RPS6KA2: variants seen among roughly 807,000 people sequenced by gnomAD.
The protein encoded by RPS6KA2 is ribosomal protein S6 kinase A2.
In RPS6KA2, 42 loss-of-function variants were observed where a neutral mutation model predicts 91.8. The observed-to-expected ratio is 0.46, with a 90% CI of 0.36 to 0.59. The LOEUF (loss-of-function observed/expected upper bound fraction) is 0.59, where lower values mean the gene tolerates loss of function less well. RPS6KA2 is among the 20% of genes least tolerant of loss of function. RPS6KA2 has a pLI of 0.00. For synonymous variants in RPS6KA2, 414 were observed against 393.6 expected (o/e 1.05, Z -0.61); for missense variants, 798 against 978.5 (o/e 0.82, Z 2.46).
intron 1 of RPS6KA2, among the ~76,000 whole-genome samples, chr6:166,558,404 C>T (rs1754647633): frequency 6.6e-6 from 1 of 152,194 alleles, no homozygotes; most frequent in Non-Finnish European, 1.5e-5. Context: ...TAGGGGGCAA[C>T]TGCCTCACTC....
chr6:166,531,131 A>G, intron 3 of RPS6KA2, 101 bp downstream of exon 3: 1 of 820,222 alleles, frequency 1.2e-6, no homozygotes, highest in South Asian at 1.4e-5. Flanking sequence ...AGACATTTTC[A>G]GAAATCGTGA....
chr6:166,568,643 A>G (rs1168812644), intron 1 of RPS6KA2, among the ~76,000 whole-genome samples: 3 of 147,418 alleles, frequency 2.0e-5, no homozygotes, highest in South Asian at 2.2e-4. Context: ...AAAAAAAAAA[A>G]AAAAAAAAAA....
At chr6:166,609,835 C>T (rs1238469818) in intron 1 of RPS6KA2, among the ~76,000 whole-genome samples, 2 of 152,026 alleles carry the variant, frequency 1.3e-5, no homozygotes, top group African/African-American at 4.8e-5. Context: ...GTTTTAGTGT[C>T]AAGTATATTT....
At chr6:166,777,844 A>G (rs995483139) in intron 2 of RPS6KA2, among the ~76,000 whole-genome samples, 1 of 152,172 alleles carries the variant, frequency 6.6e-6, no homozygotes, top group African/African-American at 2.4e-5. Flanking sequence ...TGTGAGAGAG[A>G]GAGAAAAGAG....
intron 1 of RPS6KA2, among the ~76,000 whole-genome samples, chr6:166,582,930 G>A (rs1322261080): frequency 6.6e-6 from 1 of 152,166 alleles, no homozygotes; most frequent in Non-Finnish European, 1.5e-5. Flanking sequence ...ATAATTTGAA[G>A]ATTTAAGAAA....
intron 2 of RPS6KA2, among the ~76,000 whole-genome samples, chr6:166,633,723 A>G (rs1185551088): frequency 6.6e-6 from 1 of 152,246 alleles, no homozygotes; most frequent in Admixed American, 6.5e-5. Context: ...AGTTATAATT[A>G]TAGGATGGAA....
intron 2 of RPS6KA2, among the ~76,000 whole-genome samples, chr6:166,804,033 G>A (rs1779432304): frequency 6.6e-6 from 1 of 152,106 alleles, no homozygotes; most frequent in African/African-American, 2.4e-5. Flanking sequence ...TTTCTGTGAG[G>A]TTTCTGAAGT....
intron 13 of RPS6KA2, among the ~76,000 whole-genome samples, chr6:166,449,848 C>T (rs1010687473): frequency 2.4e-5 from 2 of 83,050 alleles, no homozygotes; most frequent in African/African-American, 4.0e-5. Flanking sequence ...GGGACAACCA[C>T]GAGGACCACC....
intron 17 of RPS6KA2, among the ~76,000 whole-genome samples, chr6:166,422,699 G>T (rs956380138): frequency 6.6e-6 from 1 of 152,170 alleles, no homozygotes; most frequent in Non-Finnish European, 1.5e-5. Context: ...TAGCTGCTCC[G>T]AGCGGGGCTG....
At chr6:166,834,104 G>A (rs953790779) in intron 2 of RPS6KA2, among the ~76,000 whole-genome samples, 5 of 152,234 alleles carry the variant, frequency 3.3e-5, no homozygotes, top group African/African-American at 4.8e-5. Flanking sequence ...TATAAAAGAT[G>A]TTGCCCAACT....
chr6:166,673,813 C>T (rs149332166), intron 2 of RPS6KA2, among the ~76,000 whole-genome samples: 1,797 of 152,304 alleles, frequency 0.012, 21 homozygotes, highest in Admixed American at 0.023. Flanking sequence ...GCAGCCCTGC[C>T]AAACTAAGCT....
At chr6:166,844,871 A>C (rs983841608) in intron 2 of RPS6KA2, among the ~76,000 whole-genome samples, 1 of 152,046 alleles carries the variant, frequency 6.6e-6, no homozygotes, top group African/African-American at 2.4e-5. Context: ...ACAACAACAA[A>C]AAAAACAAAC....
intron 6 of RPS6KA2, among the ~76,000 whole-genome samples, chr6:166,502,230 TA>T (rs1282797212): frequency 6.6e-6 from 1 of 151,992 alleles, no homozygotes. Context: ...TTTCTACAAT[TA>T]AAAAAAATCT....
chr6:166,436,226 T>A (rs1299865719), intron 14 of RPS6KA2, among the ~76,000 whole-genome samples: 1 of 151,798 alleles, frequency 6.6e-6, no homozygotes, highest in Non-Finnish European at 1.5e-5. Context: ...TTCGGTCCTG[T>A]CTGAATCCTC....
intron 2 of RPS6KA2, among the ~76,000 whole-genome samples, chr6:166,687,630 A>G (rs1384676905): frequency 6.6e-6 from 1 of 152,262 alleles, no homozygotes; most frequent in Non-Finnish European, 1.5e-5. Flanking sequence ...AATTATTTGA[A>G]TTGCAGGAAT....
At chr6:166,729,872 A>G (rs1384182203) in intron 2 of RPS6KA2, among the ~76,000 whole-genome samples, 1 of 152,188 alleles carries the variant, frequency 6.6e-6, no homozygotes, top group Non-Finnish European at 1.5e-5. Flanking sequence ...GTGTGTGACG[A>G]AATTCAAGGG....
chr6:166,507,410 C>T (rs1334585609), intron 5 of RPS6KA2, among the ~76,000 whole-genome samples: 1 of 148,610 alleles, frequency 6.7e-6, no homozygotes, highest in African/African-American at 2.5e-5. Context: ...TCACACATAG[C>T]ACACACCACA....
At chr6:166,540,142 C>T (rs1424005389) in intron 1 of RPS6KA2, among the ~76,000 whole-genome samples, 2 of 152,210 alleles carry the variant, frequency 1.3e-5, no homozygotes, top group Non-Finnish European at 2.9e-5. Flanking sequence ...GACTTCGAAG[C>T]CAAGTACTTC....
In RPS6KA2 at chr6:166,508,416, C is replaced by CTGG; in HGVS notation, c.380-137_380-135dup. The stretch of plus-strand genomic sequence containing the variant: ...CACTTGAGAAACGGCAGGACCCCGG[C>CTGG]TGGTGACCAGCTCAGAGGGGCAGCA... On this transcript the variant is annotated intron_variant, in intron 4 of 20. Transcript: ENST00000265678. The surrounding 1 kb of genome is among the most constrained non-coding windows in gnomAD (Gnocchi z 4.3). The CTGG allele has an allele frequency of 1.6e-6, 1 of 634,114 alleles. No individual in the cohort carries two copies. The highest frequency in any genetic ancestry group is 2.9e-6 in the Non-Finnish European group (1 of 350,782). The allele number at this position is 634,114 out of a possible 1,614,324, so 39.3% of individuals were successfully genotyped here.
Sources: allele counts gnomAD v4.1 joint callset (sites outside exome capture counted in the v4.1 genomes callset), GRCh38; gene constraint gnomAD v4.1.1; non-coding constraint Gnocchi (gnomAD v3.1); transcripts MANE v1.5; gene names NCBI Gene and HGNC (gene_info 2026-07-23, HGNC 2026-07-21).